Variants in FOXK2 observed in about 807,000 individuals in gnomAD.
The protein encoded by FOXK2 is forkhead box protein K2.
Under a neutral mutation model 53.3 loss-of-function variants are expected in FOXK2, and 24 were observed. The ratio of observed to expected loss-of-function variants is 0.45; its 90% CI spans 0.33 to 0.63. The LOEUF (loss-of-function observed/expected upper bound fraction) is 0.63. Ranked by LOEUF, FOXK2 falls within the 30% of genes least tolerant of loss-of-function variation. FOXK2 has a pLI of 0.03. For synonymous variants in FOXK2, 505 were observed against 407.1 expected (o/e 1.24, Z -2.89); for missense variants, 952 against 910.5 (o/e 1.05, Z -0.59).
intron 8 of FOXK2, among the ~76,000 whole-genome samples, chr17:82,597,295 A>G (rs1194666968): frequency 6.6e-6 from 1 of 152,108 alleles, no homozygotes; most frequent in Non-Finnish European, 1.5e-5. Flanking sequence ...TTCCCAAGAG[A>G]GCACGTGTGG....
intron 4 of FOXK2, chr17:82,576,610 C>T (rs957577047): frequency 6.7e-6 from 7 of 1,043,526 alleles, no homozygotes; most frequent in African/African-American, 6.3e-5. Flanking sequence ...GGAGGGAGGA[C>T]CCAGTGCCGC....
At chr17:82,558,099 A>G (rs2044751429) in intron 1 of FOXK2, among the ~76,000 whole-genome samples, 1 of 152,140 alleles carries the variant, frequency 6.6e-6, no homozygotes, top group Non-Finnish European at 1.5e-5. Context: ...TTGGGAGGCC[A>G]AGACGGGAGG....
intron 1 of FOXK2, among the ~76,000 whole-genome samples, chr17:82,561,975 T>C (rs558851271): frequency 6.6e-6 from 1 of 151,896 alleles, no homozygotes. Context: ...GGTGCGCGGA[T>C]GTGTGCTGGG....
At chr17:82,538,260 G>A (rs1011145318) in intron 1 of FOXK2, among the ~76,000 whole-genome samples, 2 of 152,000 alleles carry the variant, frequency 1.3e-5, no homozygotes, top group South Asian at 4.2e-4. Context: ...GTGGGAGGTG[G>A]GAGGATTGCT....
intron 4 of FOXK2, chr17:82,576,640 G>T: frequency 8.8e-7 from 1 of 1,132,834 alleles, no homozygotes; most frequent in Non-Finnish European, 1.3e-6. Context: ...TGGGAAGCTG[G>T]CACAGAAGAT....
intron 1 of FOXK2, among the ~76,000 whole-genome samples, chr17:82,549,433 A>G (rs532522644): frequency 6.8e-6 from 1 of 146,662 alleles, no homozygotes; most frequent in Non-Finnish European, 1.5e-5. Context: ...CAGTTACAGT[A>G]CAGCAAATGG....
At chr17:82,595,164 G>A (rs535028137) in intron 8 of FOXK2, among the ~76,000 whole-genome samples, 2 of 152,328 alleles carry the variant, frequency 1.3e-5, no homozygotes, top group South Asian at 4.1e-4. Context: ...GTGTGCCGTG[G>A]GGCAGGGGTA....
chr17:82,539,496 A>G (rs1321444185), intron 1 of FOXK2, among the ~76,000 whole-genome samples: 1 of 151,942 alleles, frequency 6.6e-6, no homozygotes, highest in Non-Finnish European at 1.5e-5. Context: ...AAAAAATGAA[A>G]CAATTAGCTC....
chr17:82,558,135 C>G (rs919622486), intron 1 of FOXK2, among the ~76,000 whole-genome samples: 1 of 152,068 alleles, frequency 6.6e-6, no homozygotes, highest in African/African-American at 2.4e-5. Flanking sequence ...GAGTTTGTGA[C>G]CAGCCTGGGT....
chr17:82,570,168 G>A (rs1208723150), intron 3 of FOXK2, among the ~76,000 whole-genome samples: 1 of 151,628 alleles, frequency 6.6e-6, no homozygotes, highest in Non-Finnish European at 1.5e-5. Context: ...CTTGCAGTGA[G>A]CCGAAATCGC....
chr17:82,570,329 CA>C lies in FOXK2; in HGVS notation c.763-1390del, dbSNP rs1416741949. Among the ~76,000 whole-genome samples, 7 of 152,234 alleles carry C rather than the reference CA, an allele frequency of 4.6e-5. No homozygotes were observed. The East Asian group carries it at 1.2e-3, about 25-fold the overall frequency. Reference sequence around the variant, plus strand: ...ACAAAAAAGCAAGATCCTGTCTCTACAAAAATACCAAAAATTAGCCAGGCAT... The same window carrying C: ...ACAAAAAAGCAAGATCCTGTCTCTACAAAATACCAAAAATTAGCCAGGCAT... On this transcript the variant is annotated intron_variant, in intron 3 of 8. Coordinates refer to ENST00000335255, the MANE Select transcript of FOXK2 (RefSeq NM_004514.4).
At position 82,519,834 on chromosome 17, in the gene FOXK2, C is replaced by T. The variant is rs2044340136; in HGVS notation, c.-55C>T. Reference sequence around the variant, plus strand: ...CCGACGACCCGCGCGGCCTGGGCCTCGGCCCGCGCCACCGGCGCCCGCGCG... The same window carrying T: ...CCGACGACCCGCGCGGCCTGGGCCTTGGCCCGCGCCACCGGCGCCCGCGCG... On this transcript the variant is annotated 5_prime_UTR_variant, in exon 1 of 9. Coordinates refer to ENST00000335255, the MANE Select transcript of FOXK2 (RefSeq NM_004514.4). 19 of 769,316 alleles carry T rather than the reference C, an allele frequency of 2.5e-5. No homozygotes were observed. Among genetic ancestry groups the T allele is most frequent in the Non-Finnish European group, 3.0e-5 (19 of 636,726 alleles). 47.7% of individuals were successfully genotyped at this position (769,316 alleles called of 1,614,324 possible).
intron 3 of FOXK2, among the ~76,000 whole-genome samples, chr17:82,569,176 A>C (rs1232531217): frequency 6.6e-6 from 1 of 152,216 alleles, no homozygotes; most frequent in Non-Finnish European, 1.5e-5. Flanking sequence ...AGAACCATGC[A>C]TGGTATTACT....
intron 1 of FOXK2, among the ~76,000 whole-genome samples, chr17:82,532,767 C>A (rs187717457): frequency 6.6e-6 from 1 of 151,684 alleles, no homozygotes; most frequent in East Asian, 1.9e-4. Flanking sequence ...GGGGTTTTGC[C>A]GTGTTGACCA....
chr17:82,551,936 C>G (rs941547443), intron 1 of FOXK2, among the ~76,000 whole-genome samples: 2 of 152,228 alleles, frequency 1.3e-5, no homozygotes, highest in African/African-American at 4.8e-5. Flanking sequence ...CTGCACACCC[C>G]TTTCTGGGGC....
At chr17:82,532,924 AT>A (rs1283075451) in intron 1 of FOXK2, among the ~76,000 whole-genome samples, 3 of 152,004 alleles carry the variant, frequency 2.0e-5, no homozygotes, top group African/African-American at 7.3e-5. Context: ...TAAAATTATT[AT>A]TTTTTTCTTT....
chr17:82,561,435 C>T lies in FOXK2; in HGVS notation c.420-1919C>T, dbSNP rs186043395. Among the ~76,000 whole-genome samples the T allele has an allele frequency of 4.9e-4, 74 of 152,072 alleles. No homozygotes were observed. In the East Asian group the frequency reaches 8.9e-3, roughly 18 times the overall value. On this transcript the variant is annotated intron_variant, in intron 1 of 8. Transcript: ENST00000335255. The stretch of plus-strand genomic sequence containing the variant: ...TGAGGGTAGAGGGAGAAACTGGAGT[C>T]GAGGCCTGGAGCATTGAACCTTGAA...
intron 3 of FOXK2, among the ~76,000 whole-genome samples, chr17:82,569,690 C>T (rs373033944): frequency 1.3e-5 from 2 of 152,106 alleles, no homozygotes; most frequent in South Asian, 2.1e-4. Flanking sequence ...GGCACAGTGA[C>T]GAAGGCTTTG....
intron 8 of FOXK2, 130 bp downstream of exon 8, chr17:82,587,402 T>C (rs1392415527): frequency 2.7e-6 from 2 of 748,610 alleles, no homozygotes; most frequent in Non-Finnish European, 4.5e-6. Flanking sequence ...ATTTCGAAGC[T>C]GCAGGAAATC....
Sources: gnomAD v4.1 joint callset for allele counts (sites outside exome capture counted in the v4.1 genomes callset) on GRCh38, gnomAD v4.1.1 for gene constraint, MANE v1.5 for transcripts, NCBI Gene and HGNC (gene_info 2026-07-23, HGNC 2026-07-21) for gene names.